The following NPAS3 variants were observed in gnomAD, a reference collection of about 807,000 sequenced individuals.
NPAS3 encodes neuronal PAS domain-containing protein 3.
Under a neutral mutation model 73.1 loss-of-function variants are expected in NPAS3, and 14 were observed. The observed-to-expected ratio is 0.19, with a 90% CI of 0.13 to 0.30. The LOEUF (loss-of-function observed/expected upper bound fraction) is 0.30. Among genes scored for constraint, NPAS3 ranks in the 10% least tolerant of loss-of-function variants. NPAS3 has a pLI of 1.00. For synonymous variants in NPAS3, 620 were observed against 541.5 expected, an observed-to-expected ratio of 1.14 and a Z score of -2.01; for missense variants, 1,096 against 1,250.0, an observed-to-expected ratio of 0.88 and a Z score of 1.86.
chr14:33,532,427 G>A (rs2054086300), intron 4 of NPAS3, among the ~76,000 whole-genome samples: 1 of 152,066 alleles, frequency 6.6e-6, no homozygotes, highest in South Asian at 2.1e-4. Context: ...GCAGCTCTGG[G>A]ATGGGGCAGA....
At chr14:33,411,040 C>T (rs1470782640) in intron 4 of NPAS3, among the ~76,000 whole-genome samples, 1 of 152,190 alleles carries the variant, frequency 6.6e-6, no homozygotes, top group African/African-American at 2.4e-5. Context: ...ATCAGTCCTA[C>T]TCAGTCTCTG....
chr14:33,785,917 C>G (rs1411473348), intron 9 of NPAS3, among the ~76,000 whole-genome samples: 1 of 152,152 alleles, frequency 6.6e-6, no homozygotes, highest in African/African-American at 2.4e-5. Flanking sequence ...AGGGCAATGT[C>G]CAAAGTGCGG....
intron 4 of NPAS3, among the ~76,000 whole-genome samples, chr14:33,409,894 G>C (rs1357451913): frequency 6.6e-6 from 1 of 152,102 alleles, no homozygotes; most frequent in African/African-American, 2.4e-5. Flanking sequence ...TAATCTGGTT[G>C]GAGACATTGC....
intron 1 of NPAS3, among the ~76,000 whole-genome samples, chr14:32,963,022 A>T (rs1014779692): frequency 6.6e-6 from 1 of 151,672 alleles, no homozygotes; most frequent in African/African-American, 2.4e-5. Flanking sequence ...AGATCCCTTC[A>T]TCTCCTTTCT....
chr14:33,591,996 T>C (rs763676139), intron 5 of NPAS3, among the ~76,000 whole-genome samples: 2 of 152,196 alleles, frequency 1.3e-5, no homozygotes, highest in Non-Finnish European at 2.9e-5. Flanking sequence ...ATTGCTGTGA[T>C]GTAGATGGAG....
At chr14:33,599,775 GCTTA>G (rs780959784) in intron 5 of NPAS3, among the ~76,000 whole-genome samples, 48 of 152,244 alleles carry the variant, frequency 3.2e-4, no homozygotes, top group African/African-American at 1.1e-3. Flanking sequence ...GTTCAGGAGG[GCTTA>G]CTTCTGTTTT....
intron 2 of NPAS3, among the ~76,000 whole-genome samples, chr14:33,196,134 T>C (rs1407571281): frequency 6.7e-6 from 1 of 150,332 alleles, no homozygotes; most frequent in Admixed American, 6.8e-5. Flanking sequence ...TAGATCGTAT[T>C]TGATTCTAAT....
At chr14:33,041,936 T>C (rs1233801666) in intron 1 of NPAS3, among the ~76,000 whole-genome samples, 3 of 152,118 alleles carry the variant, frequency 2.0e-5, no homozygotes, top group Non-Finnish European at 4.4e-5. Flanking sequence ...AGTTCCTTGA[T>C]ACCATCTTGG....
At chr14:33,312,386 C>A (rs1246896849) in intron 3 of NPAS3, among the ~76,000 whole-genome samples, 3 of 151,858 alleles carry the variant, frequency 2.0e-5, no homozygotes, top group African/African-American at 7.2e-5. Context: ...ATAAAAATCA[C>A]AATTTTTATT....
At chr14:33,423,726 C>G (rs1393425144) in intron 4 of NPAS3, among the ~76,000 whole-genome samples, 2 of 151,862 alleles carry the variant, frequency 1.3e-5, no homozygotes, top group African/African-American at 2.4e-5. Flanking sequence ...AAAAAGCAGA[C>G]TTTAAATAAA....
chr14:33,772,603 A>C (rs2062690252), intron 7 of NPAS3, among the ~76,000 whole-genome samples: 1 of 152,250 alleles, frequency 6.6e-6, no homozygotes, highest in Non-Finnish European at 1.5e-5. Context: ...AGTGTTCCTG[A>C]TAAAACAAGA....
chr14:33,347,896 A>G (rs1189755548), intron 3 of NPAS3, among the ~76,000 whole-genome samples: 1 of 151,978 alleles, frequency 6.6e-6, no homozygotes, highest in Non-Finnish European at 1.5e-5. Flanking sequence ...AATATTTTCA[A>G]TCTGTGGTTG....
chr14:33,464,233 C>T (rs1249800972), intron 4 of NPAS3, among the ~76,000 whole-genome samples: 3 of 152,076 alleles, frequency 2.0e-5, no homozygotes, highest in Admixed American at 2.0e-4. Flanking sequence ...ACATGTTGGC[C>T]CCTAGTTCCA....
chr14:33,543,946 CATATATATATATATAT>C lies in NPAS3; in HGVS notation c.469-16134_469-16119del, dbSNP rs35154724. ...CATCTCAGACAGGTATGGCAAAGTG[CATATATATATATATAT>C]ATATATATATATATATATATATATA... On this transcript the variant is annotated intron_variant, in intron 4 of 11. Transcript: ENST00000356141. Among the ~76,000 whole-genome samples, 645 of 104,748 alleles carry C rather than the reference CATATATATATATATAT, an allele frequency of 6.2e-3. 2 individuals are homozygous for C. Among genetic ancestry groups the C allele is most frequent in the Admixed American group, 9.5e-3 (91 of 9,546 alleles). 68.7% of individuals were successfully genotyped at this position (104,748 alleles called of 152,430 possible).
chr14:32,956,262 G>C (rs550111083), intron 1 of NPAS3, among the ~76,000 whole-genome samples: 195 of 152,082 alleles, frequency 1.3e-3, no homozygotes, highest in African/African-American at 4.5e-3. Flanking sequence ...TGAAAAATTC[G>C]ATCATGTAAA....
At chr14:33,736,441 G>A (rs547333196) in intron 7 of NPAS3, among the ~76,000 whole-genome samples, 11 of 152,296 alleles carry the variant, frequency 7.2e-5, no homozygotes, top group Admixed American at 2.0e-4. Context: ...TAGCAGGTGC[G>A]ATGCAGAGGA....
chr14:33,479,858 G>A (rs1363309347), intron 4 of NPAS3, among the ~76,000 whole-genome samples: 1 of 151,990 alleles, frequency 6.6e-6, no homozygotes, highest in Non-Finnish European at 1.5e-5. Context: ...CTTTCCATTT[G>A]TGAAGAATTT....
intron 3 of NPAS3, among the ~76,000 whole-genome samples, chr14:33,262,614 A>AT (rs1183067154): frequency 6.6e-6 from 1 of 152,158 alleles, no homozygotes; most frequent in Non-Finnish European, 1.5e-5. Context: ...TTTTATTACA[A>AT]TTTTTTTAAA....
chr14:33,531,716 G>A (rs1051438611), intron 4 of NPAS3, among the ~76,000 whole-genome samples: 6 of 152,038 alleles, frequency 3.9e-5, no homozygotes, highest in African/African-American at 9.7e-5. Context: ...TCTGCATTAC[G>A]TGGTGTGTGT....
Sources: allele counts gnomAD v4.1 joint callset (sites outside exome capture counted in the v4.1 genomes callset), GRCh38; gene constraint gnomAD v4.1.1; transcripts MANE v1.5; gene names NCBI Gene and HGNC (gene_info 2026-07-23, HGNC 2026-07-21).